The following CHL1 variants were observed in gnomAD, a reference collection of about 807,000 sequenced individuals.
The protein encoded by CHL1 is cell adhesion molecule L1 like, also known as neural cell adhesion molecule L1-like protein.
In CHL1, 96 loss-of-function variants were observed where a neutral mutation model predicts 141.9. The observed-to-expected ratio is 0.68, with a 90% CI of 0.57 to 0.80. CHL1 has a LOEUF of 0.80. Among genes scored for constraint, CHL1 ranks in the 30% least tolerant of loss-of-function variants. CHL1 has a pLI of 0.00. For synonymous variants in CHL1, 613 were observed against 502.2 expected (o/e 1.22, Z -2.95); for missense variants, 1,820 against 1,457.2 (o/e 1.25, Z -4.05).
At chr3:267,789 A>C (rs1559359043) in intron 2 of CHL1, among the ~76,000 whole-genome samples, 1 of 152,224 alleles carries the variant, frequency 6.6e-6, no homozygotes, top group Non-Finnish European at 1.5e-5. Context: ...CCTAAGACTC[A>C]AGATGTGTTT....
At chr3:265,584 A>G (rs1695081852) in intron 2 of CHL1, among the ~76,000 whole-genome samples, 1 of 152,154 alleles carries the variant, frequency 6.6e-6, no homozygotes, top group South Asian at 2.1e-4. Context: ...ATGGGGGATG[A>G]TATGTAAAGA....
chr3:333,073 G>A (rs1701567051), intron 5 of CHL1, among the ~76,000 whole-genome samples: 1 of 145,076 alleles, frequency 6.9e-6, no homozygotes, highest in African/African-American at 2.5e-5. Context: ...TGAGAGTATT[G>A]TATTAAGAGC....
intron 2 of CHL1, among the ~76,000 whole-genome samples, chr3:254,486 T>C (rs1366611168): frequency 6.6e-6 from 1 of 152,134 alleles, no homozygotes; most frequent in Non-Finnish European, 1.5e-5. Context: ...GTCTTAAAGA[T>C]AGGTTTTTTA....
At chr3:315,133 G>A (rs1700064311) in intron 2 of CHL1, among the ~76,000 whole-genome samples, 1 of 152,104 alleles carries the variant, frequency 6.6e-6, no homozygotes, top group African/African-American at 2.4e-5. Flanking sequence ...TCAACACAAT[G>A]ATCATCACTT....
Position 333,499 on chromosome 3 carries a change from A to G in CHL1, c.385+5145A>G, listed in dbSNP as rs1259186995. On this transcript the variant is annotated intron_variant, in intron 5 of 27. Transcript: ENST00000256509. The stretch of plus-strand genomic sequence containing the variant: ...CATTGCAGTTAAGTTTCCTAGGGAA[A>G]GAGTGAAAGAAACAACAACAACAAG... 2.6e-5 allele frequency among the ~76,000 whole-genome samples: 4 copies of G among 152,158 alleles called. No individual in the cohort carries two copies. The East Asian group carries it at 7.7e-4, about 29-fold the overall frequency.
chr3:375,166 C>T (rs1380128811), intron 15 of CHL1, among the ~76,000 whole-genome samples: 1 of 152,122 alleles, frequency 6.6e-6, no homozygotes, highest in East Asian at 1.9e-4. Context: ...TGGCCATAGA[C>T]CATACAGGCT....
chr3:274,046 C>T (rs775494563), intron 2 of CHL1, among the ~76,000 whole-genome samples: 2 of 152,242 alleles, frequency 1.3e-5, no homozygotes, highest in Non-Finnish European at 2.9e-5. Flanking sequence ...TCCCTTCTCA[C>T]TTCACCAGTT....
chr3:308,214 G>T (rs1699417080), intron 2 of CHL1, among the ~76,000 whole-genome samples: 1 of 152,180 alleles, frequency 6.6e-6, no homozygotes, highest in African/African-American at 2.4e-5. Context: ...TATCTATGCA[G>T]ATTATATTCT....
At chr3:204,847 T>G (rs759130835) in intron 1 of CHL1, among the ~76,000 whole-genome samples, 1 of 152,192 alleles carries the variant, frequency 6.6e-6, no homozygotes, top group Non-Finnish European at 1.5e-5. Context: ...GCTTTATGCT[T>G]TTTAGAAAAT....
intron 2 of CHL1, 74 bp downstream of exon 2, chr3:244,766 G>C (rs1450823900): frequency 6.6e-6 from 1 of 152,130 alleles, no homozygotes; most frequent in Non-Finnish European, 1.5e-5. Flanking sequence ...CATAGGGCAG[G>C]AGTCACAAAA....
intron 1 of CHL1, among the ~76,000 whole-genome samples, chr3:237,957 A>C (rs944711617): frequency 1.3e-5 from 2 of 152,182 alleles, no homozygotes; most frequent in Non-Finnish European, 1.5e-5. Flanking sequence ...TGCCTATATA[A>C]GGTTTTGCTG....
intron 2 of CHL1, among the ~76,000 whole-genome samples, chr3:319,179 T>C (rs1169219786): frequency 6.6e-6 from 1 of 151,722 alleles, no homozygotes; most frequent in Non-Finnish European, 1.5e-5. Context: ...TAGAATATTA[T>C]GGACATAAAG....
intron 1 of CHL1, among the ~76,000 whole-genome samples, chr3:239,685 G>A (rs930383798): frequency 6.6e-6 from 1 of 151,746 alleles, no homozygotes; most frequent in Non-Finnish European, 1.5e-5. Flanking sequence ...TGATTTGTGA[G>A]ATTTTGGTGC....
chr3:293,566 A>T (rs1474514983), intron 2 of CHL1, among the ~76,000 whole-genome samples: 1 of 152,156 alleles, frequency 6.6e-6, no homozygotes, highest in East Asian at 1.9e-4. Flanking sequence ...AAAAGGAGCA[A>T]ATATAAAATA....
At chr3:368,254 C>T (rs974364333) in intron 15 of CHL1, among the ~76,000 whole-genome samples, 4 of 152,176 alleles carry the variant, frequency 2.6e-5, no homozygotes, top group Non-Finnish European at 5.9e-5. Flanking sequence ...GCCTCACCAG[C>T]ATCTGTTGTT....
intron 21 of CHL1, 63 bp downstream of exon 21, chr3:390,879 G>C (rs530496475): frequency 6.6e-7 from 1 of 1,516,294 alleles, no homozygotes; most frequent in Non-Finnish European, 9.1e-7. Flanking sequence ...GAATAAAGAA[G>C]AATTGATTTC....
At chr3:334,458 C>T (rs1701702918) in intron 5 of CHL1, among the ~76,000 whole-genome samples, 2 of 152,130 alleles carry the variant, frequency 1.3e-5, no homozygotes, top group East Asian at 1.9e-4. Flanking sequence ...CATCTCCAGG[C>T]CTTAGGCAAC....
Position 337,941 on chromosome 3 carries a change from T to TCGC in CHL1, c.386-2853_386-2852insCGC, listed in dbSNP as rs546566170. 8.8e-4 allele frequency among the ~76,000 whole-genome samples: 134 copies of TCGC among 152,048 alleles called. 1 individual carries two copies. The highest frequency in any genetic ancestry group is 1.0e-3 in the South Asian group (5 of 4,822). On this transcript the variant is annotated intron_variant, in intron 5 of 27. Transcript: ENST00000256509. The stretch of plus-strand genomic sequence containing the variant: ...TTTCTAGTTCTAGATCCCTGAGGAA[T>TCGC]AACACTGTCTTCCACAATGGTTGAA...
At chr3:356,806 G>A (rs1247331055) in intron 11 of CHL1, among the ~76,000 whole-genome samples, 3 of 152,210 alleles carry the variant, frequency 2.0e-5, no homozygotes, top group African/African-American at 4.8e-5. Flanking sequence ...GCCAGCAGGG[G>A]AAGGGGCCAG....
Sources: allele counts gnomAD v4.1 joint callset (sites outside exome capture counted in the v4.1 genomes callset), GRCh38; gene constraint gnomAD v4.1.1; transcripts MANE v1.5; gene names NCBI Gene and HGNC (gene_info 2026-07-23, HGNC 2026-07-21).